USP25: variants seen among roughly 807,000 people sequenced by gnomAD.
The protein encoded by USP25 is ubiquitin specific peptidase 25.
A neutral mutation model predicts 158.5 loss-of-function variants in USP25; 85 were observed. That is an observed-to-expected ratio of 0.54 (90% CI 0.45 to 0.64). USP25 has a LOEUF of 0.64. Ranked by LOEUF, USP25 falls within the 30% of genes least tolerant of loss-of-function variation. The pLI, the probability that USP25 is intolerant of heterozygous loss-of-function variation, is 0.00. For missense variants in USP25, 1,242 were observed against 1,327.3 expected, an observed-to-expected ratio of 0.94 and a Z score of 1.00; for synonymous variants, 464 against 460.4, an observed-to-expected ratio of 1.01 and a Z score of -0.10.
chr21:15,870,024 T>A (rs759875871), intron 22 of USP25, 44 bp from the exon 23 acceptor site: 1 of 1,458,134 alleles, frequency 6.9e-7, no homozygotes, highest in Admixed American at 2.0e-5. Context: ...TAGTACTTTT[T>A]AAATCTTACT....
At chr21:15,853,631 A>AT (rs1211008150) in intron 20 of USP25, among the ~76,000 whole-genome samples, 1 of 152,066 alleles carries the variant, frequency 6.6e-6, no homozygotes, top group Non-Finnish European at 1.5e-5. Context: ...GTAAATTTTT[A>AT]TTTTTTAAAT....
rs563546133 is a variant in USP25, at chr21:15,845,225, A to G, written c.2338-2438A>G. ...GAGACCACTTTTTAAGAAGTCATAT[A>G]ATTAATGGATTTCAGGCAAGTCATA... is the stretch of plus-strand genomic sequence containing the variant. On this transcript the variant is annotated intron_variant, in intron 18 of 25. Transcript: ENST00000400183. 3.3e-5 allele frequency among the ~76,000 whole-genome samples: 5 copies of G among 152,274 alleles called. No homozygotes were observed. The East Asian group carries it at 9.6e-4, about 29-fold the overall frequency.
chr21:15,859,650 G>A (rs1032607871), intron 20 of USP25, among the ~76,000 whole-genome samples: 2 of 152,082 alleles, frequency 1.3e-5, no homozygotes, highest in Non-Finnish European at 2.9e-5. Flanking sequence ...GTTTTACAGA[G>A]TCTGTTCAGT....
intron 4 of USP25, among the ~76,000 whole-genome samples, chr21:15,786,360 C>A (rs375491354): frequency 2.0e-5 from 3 of 152,100 alleles, no homozygotes; most frequent in Non-Finnish European, 4.4e-5. Context: ...TATCCCTGAT[C>A]AACCTAGATG....
chr21:15,769,762 C>T (rs746234926), intron 3 of USP25, among the ~76,000 whole-genome samples: 3 of 152,038 alleles, frequency 2.0e-5, no homozygotes, highest in East Asian at 1.9e-4. Flanking sequence ...TAAATTCTTT[C>T]GAACATTTTT....
chr21:15,811,348 A>G (rs571382728), intron 9 of USP25, 138 bp downstream of exon 9: 77 of 709,742 alleles, frequency 1.1e-4, no homozygotes, highest in Non-Finnish European at 1.6e-4. Flanking sequence ...TTGGATTGCT[A>G]CTGTTATTCA....
In USP25 at chr21:15,874,534, G is replaced by T; in HGVS notation, c.3009+8G>T. On this transcript the variant is annotated splice_region_variant and intron_variant, in intron 24 of 25. Coordinates refer to ENST00000400183, the MANE Select transcript of USP25 (RefSeq NM_001283041.3). ...AGAAGAGAATGTTTGCTAGTAAGTT[G>T]AATGCATATAGTATGATCTTATCAT... 1 of 1,593,758 alleles carries T rather than the reference G, an allele frequency of 6.3e-7. No individual in the cohort carries two copies. The highest frequency in any genetic ancestry group is 1.1e-5 in the South Asian group (1 of 87,624).
Position 15,824,574 on chromosome 21 carries a change from CTTTT to C in USP25, c.1209-391_1209-388del, listed in dbSNP as rs1345459724. On this transcript the variant is annotated intron_variant, in intron 11 of 25. Coordinates refer to ENST00000400183, the MANE Select transcript of USP25 (RefSeq NM_001283041.3). ...TCTTCCTGTTTTCCTGTCTTTCTTT[CTTTT>C]GTTTTTTTCTGTCTGTCTTTCTGTC... Among the ~76,000 whole-genome samples the C allele has an allele frequency of 6.7e-5, 10 of 148,634 alleles. No homozygotes were observed. In the South Asian group the frequency reaches 1.3e-3, roughly 19 times the overall value.
Position 15,828,829 on chromosome 21 carries a change from G to A in USP25, c.1693+1626G>A, listed in dbSNP as rs187035199. On this transcript the variant is annotated intron_variant, in intron 14 of 25. Coordinates refer to ENST00000400183, the MANE Select transcript of USP25 (RefSeq NM_001283041.3). The stretch of plus-strand genomic sequence containing the variant: ...AATTTTTGTATTTTTAGTAGAGATG[G>A]GGTTTCACCATGTTGGCCAGGGTGG... Among the ~76,000 whole-genome samples the A allele has an allele frequency of 1.4e-3, 208 of 152,154 alleles. 1 individual carries two copies. The highest frequency in any genetic ancestry group is 3.7e-3 in the African/African-American group (154 of 41,508).
chr21:15,741,392 G>A (rs1291992331), intron 1 of USP25, among the ~76,000 whole-genome samples: 1 of 151,716 alleles, frequency 6.6e-6, no homozygotes, highest in Admixed American at 6.6e-5. Flanking sequence ...AAATACATAG[G>A]TGTAGAATTG....
At chr21:15,781,791 C>T (rs2034980010) in intron 4 of USP25, among the ~76,000 whole-genome samples, 2 of 152,264 alleles carry the variant, frequency 1.3e-5, no homozygotes, top group African/African-American at 4.8e-5. Flanking sequence ...GTCACTGCTA[C>T]AAGAGAGTTC....
Position 15,733,131 on chromosome 21 carries a change from GCCCCCCC to G in USP25, c.45+2704_45+2710del, listed in dbSNP as rs71185504. Reference sequence around the variant, plus strand: ...GTTCCAAATGAGGATACTCCACGGCGCCCCCCCCCCCCCCCCCAATCTATCTAACCCG... The same window carrying G: ...GTTCCAAATGAGGATACTCCACGGCGCCCCCCCCCCAATCTATCTAACCCG... On this transcript the variant is annotated intron_variant, in intron 1 of 25. Transcript: ENST00000400183. Among the ~76,000 whole-genome samples the G allele has an allele frequency of 2.5e-4, 2 of 8,132 alleles. 1 individual carries two copies. Among genetic ancestry groups the G allele is most frequent in the African/African-American group, 5.2e-4 (2 of 3,880 alleles). The allele number at this position is 8,132 out of a possible 152,430, so 5.3% of individuals were successfully genotyped here. A position where few individuals can be genotyped will look rare whatever the true frequency, so the allele number is the denominator to read the frequency against.
intron 1 of USP25, among the ~76,000 whole-genome samples, chr21:15,732,221 T>G (rs2030983959): frequency 6.6e-6 from 1 of 152,208 alleles, no homozygotes; most frequent in South Asian, 2.1e-4. Context: ...GATGCTACTT[T>G]TAGTATGGCT....
In USP25 at chr21:15,791,581, C is replaced by G. The variant is rs747379224; in HGVS notation, c.472C>G (p.Pro158Ala). Reference sequence around the variant, plus strand: ...AGAAGTTTGGAGGGATTCTCGAAACCCTTATGATAGAAAAAGACAGGACAA... The same window carrying G: ...AGAAGTTTGGAGGGATTCTCGAAACGCTTATGATAGAAAAAGACAGGACAA... The part of the protein sequence containing the change: ...PTEVWRDSRN[P>A]YDRKRQDKAP... The change falls in exon 5 of 26, where the codon CCT (proline) becomes GCT (alanine). Residue 158 changes from proline (P) to alanine (A), a missense_variant. Around this residue, in one of 3 missense-constraint regions of USP25, gnomAD observed 627 missense variants for 701.4 expected, o/e 0.89. Coordinates refer to ENST00000400183, the MANE Select transcript of USP25 (RefSeq NM_001283041.3). The G allele has an allele frequency of 5.6e-6, 9 of 1,611,434 alleles. No homozygotes were observed. The highest frequency in any genetic ancestry group is 7.6e-6 in the Non-Finnish European group (9 of 1,178,352).
intron 7 of USP25, among the ~76,000 whole-genome samples, chr21:15,806,933 T>G (rs1049904607): frequency 1.3e-5 from 2 of 150,970 alleles, no homozygotes; most frequent in Non-Finnish European, 3.0e-5. Flanking sequence ...TCCGTGTTTG[T>G]TTTTTTTTGA....
At chr21:15,850,780 AG>A (rs937834987) in intron 20 of USP25, among the ~76,000 whole-genome samples, 1 of 152,036 alleles carries the variant, frequency 6.6e-6, no homozygotes, top group African/African-American at 2.4e-5. Flanking sequence ...CCTTGTACAT[AG>A]TAGTAGACCT....
chr21:15,813,906 A>C (rs771217473), intron 9 of USP25, among the ~76,000 whole-genome samples: 1 of 151,714 alleles, frequency 6.6e-6, no homozygotes. Context: ...TCAGTTTCTG[A>C]TATAGTTTGG....
rs777175563 is a variant in USP25, at chr21:15,827,180, C to A, written c.1670C>A (p.Thr557Lys). 3.3e-5 allele frequency: 53 copies of A among 1,614,038 alleles called. No individual in the cohort carries two copies. The highest frequency in any genetic ancestry group is 4.3e-5 in the Non-Finnish European group (51 of 1,179,978). ...VLESCLHRWRTEIENDTRDLQ... is the reference protein window; with the variant it reads ...VLESCLHRWRKEIENDTRDLQ... ...GAAAGTTGTTTACATCGCTGGAGGA[C>A]AGAAATAGAAAATGACACCAGAGGT... The change falls in exon 14 of 26, where the codon ACA becomes AAA. Residue 557 changes from threonine (T) to lysine (K), a missense_variant. Physicochemically the swap from Thr to Lys is moderately conservative, Grantham distance 78 (BLOSUM62 -1). Coordinates refer to ENST00000400183, the MANE Select transcript of USP25 (RefSeq NM_001283041.3).
chr21:15,769,403 A>C (rs891909548), intron 3 of USP25, among the ~76,000 whole-genome samples: 8 of 152,108 alleles, frequency 5.3e-5, no homozygotes, highest in African/African-American at 1.9e-4. Context: ...TGAATTCTGG[A>C]AAAAAGCCCA....
Sources: allele counts gnomAD v4.1 joint callset (sites outside exome capture counted in the v4.1 genomes callset), GRCh38; gene constraint gnomAD v4.1.1; regional missense constraint gnomAD v4.1.1; transcripts MANE v1.5; gene names NCBI Gene and HGNC (gene_info 2026-07-23, HGNC 2026-07-21).